The following VPS50 variants were observed in gnomAD, a reference collection of about 807,000 sequenced individuals.
VPS50 encodes VPS50 subunit of EARP/GARPII complex.
In VPS50, 70 loss-of-function variants were observed where a neutral mutation model predicts 139.7. The observed-to-expected ratio is 0.50, with a 90% CI of 0.41 to 0.61. The LOEUF is 0.61. Ranked by LOEUF, VPS50 falls within the 20% of genes least tolerant of loss-of-function variation. The pLI is 0.00. For missense variants in VPS50, 921 were observed against 1,133.7 expected, an observed-to-expected ratio of 0.81 and a Z score of 2.69; for synonymous variants, 365 against 376.7, an observed-to-expected ratio of 0.97 and a Z score of 0.36.
rs748456599 is a variant in VPS50 at position 93,306,003 on chromosome 7, G to T, written c.1628G>T (p.Gly543Val). Reference sequence around the variant, plus strand: ...ACAGAAGATGTCTTAGCTTCTAATGGGGTATGTGGTGTATGTGAAACATAA... The same window carrying T: ...ACAGAAGATGTCTTAGCTTCTAATGTGGTATGTGGTGTATGTGAAACATAA... Reference protein sequence around the residue: ...EETEDVLASNGYESDEQEKSA... With the variant: ...EETEDVLASNVYESDEQEKSA... Residue 543 changes from glycine (G) to valine (V), a missense_variant and splice_region_variant, in exon 18 of 28, where the codon GGG becomes GTG. This residue lies in a region of VPS50 where 744 missense variants were observed against 930.6 expected (regional missense o/e 0.80). Coordinates refer to ENST00000305866, the MANE Select transcript of VPS50 (RefSeq NM_017667.4). The T allele has an allele frequency of 1.9e-6, 3 of 1,608,034 alleles. No individual in the cohort carries two copies. The highest frequency in any genetic ancestry group is 2.6e-6 in the Non-Finnish European group (3 of 1,175,300).
chr7:93,276,518 A>T, intron 12 of VPS50: 5 of 632,812 alleles, frequency 7.9e-6, no homozygotes, highest in Non-Finnish European at 1.2e-5. Context: ...TTGGAGCATG[A>T]TTGCTTCTCA....
intron 22 of VPS50, among the ~76,000 whole-genome samples, chr7:93,340,349 C>G (rs765137235): frequency 6.6e-6 from 1 of 152,176 alleles, no homozygotes; most frequent in African/African-American, 2.4e-5. Context: ...CTTGAGCTGG[C>G]AGTCTTCTGG....
chr7:93,337,423 T>C (rs1311744101), intron 22 of VPS50, among the ~76,000 whole-genome samples: 3 of 152,188 alleles, frequency 2.0e-5, no homozygotes, highest in Non-Finnish European at 4.4e-5. Flanking sequence ...ATATACCCTC[T>C]CCTTGACTTC....
At chr7:93,272,126 A>G (rs1265282723) in intron 10 of VPS50, among the ~76,000 whole-genome samples, 1 of 151,844 alleles carries the variant, frequency 6.6e-6, no homozygotes, top group African/African-American at 2.4e-5. Context: ...CTCTTATTTC[A>G]AAGTAAAATC....
intron 17 of VPS50, among the ~76,000 whole-genome samples, chr7:93,305,075 T>C (rs1317452225): frequency 6.6e-6 from 1 of 151,902 alleles, no homozygotes; most frequent in Non-Finnish European, 1.5e-5. Context: ...AGAAAAATGT[T>C]TGTTAAATTT....
In VPS50 at chr7:93,270,685, CAT is replaced by C. The variant is rs1190180746; in HGVS notation, c.660-534_660-533del. 2.0e-5 allele frequency among the ~76,000 whole-genome samples: 3 copies of C among 151,942 alleles called. No homozygotes were observed. The East Asian group carries it at 5.8e-4, about 29-fold the overall frequency. On this transcript the variant is annotated intron_variant, in intron 9 of 27. Coordinates refer to ENST00000305866, the MANE Select transcript of VPS50 (RefSeq NM_017667.4). Reference sequence around the variant, plus strand: ...TTATATCAGTTTCCCCTTCCTCTAGCATCAGATGAGTGGTTCTGTTTGCTCAA... The same window carrying C: ...TTATATCAGTTTCCCCTTCCTCTAGCCAGATGAGTGGTTCTGTTTGCTCAA...
At chr7:93,275,187 A>G (rs1780125996) in intron 11 of VPS50, among the ~76,000 whole-genome samples, 1 of 152,206 alleles carries the variant, frequency 6.6e-6, no homozygotes. Flanking sequence ...ACATGCCATG[A>G]ACATTGTTGA....
chr7:93,334,078 G>T, intron 21 of VPS50, 39 bp from the exon 22 acceptor site: 1 of 1,089,596 alleles, frequency 9.2e-7, no homozygotes, highest in South Asian at 1.3e-5. Flanking sequence ...TTTGCAAGAT[G>T]ATCTTTAGAA....
intron 13 of VPS50, among the ~76,000 whole-genome samples, chr7:93,292,200 A>G (rs1245757945): frequency 6.6e-6 from 1 of 152,108 alleles, no homozygotes; most frequent in Non-Finnish European, 1.5e-5. Context: ...ATATTAATCT[A>G]TTTAGCCAAT....
Position 93,258,254 on chromosome 7 carries a change from C to A in VPS50, c.518C>A (p.Ser173Tyr). 2 of 1,589,318 alleles carry A rather than the reference C, an allele frequency of 1.3e-6. No individual in the cohort carries two copies. The highest frequency in any genetic ancestry group is 8.6e-7 in the Non-Finnish European group (1 of 1,157,706). The change falls in exon 7 of 28, where the codon TCT becomes TAT. Residue 173 changes from serine (S) to tyrosine (Y), a missense_variant. By Grantham distance (144) the Ser-to-Tyr change is moderately radical. Transcript: ENST00000305866. ...CAGTTGCTGATTGGACTTCTGAAAT[C>A]TCTGAGAACTATAAAAACATTGGTA... Reference protein sequence around the residue: ...KRQLLIGLLKSLRTIKTLQRT... With the variant: ...KRQLLIGLLKYLRTIKTLQRT...
intron 20 of VPS50, among the ~76,000 whole-genome samples, chr7:93,314,305 T>G (rs568778198): frequency 6.6e-6 from 1 of 152,328 alleles, no homozygotes; most frequent in South Asian, 2.1e-4. Flanking sequence ...CAAGTAGTAT[T>G]TACTTGGCAG....
chr7:93,232,981 T>C (rs1794682346), intron 1 of VPS50, among the ~76,000 whole-genome samples: 1 of 152,232 alleles, frequency 6.6e-6, no homozygotes, highest in Admixed American at 6.5e-5. Context: ...CGTTTCTGGA[T>C]GTGAAAATAA....
At chr7:93,251,736 T>A (rs888727099) in intron 2 of VPS50, among the ~76,000 whole-genome samples, 1 of 152,196 alleles carries the variant, frequency 6.6e-6, no homozygotes, top group African/African-American at 2.4e-5. Context: ...TCCTTAGTAT[T>A]TTTATTGTGT....
intron 9 of VPS50, among the ~76,000 whole-genome samples, chr7:93,260,855 G>A (rs552168143): frequency 1.1e-3 from 163 of 152,018 alleles, no homozygotes; most frequent in Admixed American, 2.4e-3. Context: ...GCCACCATGC[G>A]CGGCTAATTT....
At chr7:93,274,347 G>A (rs1009420246) in intron 11 of VPS50, among the ~76,000 whole-genome samples, 6 of 152,066 alleles carry the variant, frequency 3.9e-5, no homozygotes, top group African/African-American at 1.2e-4. Flanking sequence ...CTTATTAGGG[G>A]CTAAGGCATG....
At chr7:93,358,284 G>A in intron 27 of VPS50, 33 bp from the exon 28 acceptor site, 1 of 1,607,270 alleles carries the variant, frequency 6.2e-7, no homozygotes, top group Non-Finnish European at 8.5e-7. Context: ...TTCCTTTTAG[G>A]GTACTAAATT....
chr7:93,235,109 G>A (rs867827450), intron 1 of VPS50, among the ~76,000 whole-genome samples: 1 of 152,150 alleles, frequency 6.6e-6, no homozygotes, highest in African/African-American at 2.4e-5. Context: ...ACCTGAAGGG[G>A]GTGAGGAAGT....
At chr7:93,315,088 A>G (rs951955332) in intron 20 of VPS50, among the ~76,000 whole-genome samples, 1 of 152,126 alleles carries the variant, frequency 6.6e-6, no homozygotes, top group East Asian at 1.9e-4. Context: ...TTTAATACGT[A>G]TATCTCCTCT....
At chr7:93,304,594 A>C (rs1047689265) in intron 17 of VPS50, among the ~76,000 whole-genome samples, 1 of 151,848 alleles carries the variant, frequency 6.6e-6, no homozygotes, top group African/African-American at 2.4e-5. Flanking sequence ...GTTTAACATA[A>C]ATTTTAGAAT....
Sources: gnomAD v4.1 joint callset for allele counts (sites outside exome capture counted in the v4.1 genomes callset) on GRCh38, gnomAD v4.1.1 for gene constraint, gnomAD v4.1.1 regional missense constraint, MANE v1.5 for transcripts, NCBI Gene and HGNC (gene_info 2026-07-23, HGNC 2026-07-21) for gene names.